Variants in PPP2R5A observed in about 807,000 individuals in gnomAD.
PPP2R5A encodes the protein protein phosphatase 2 regulatory subunit B'alpha, also known as serine/threonine-protein phosphatase 2A 56 kDa regulatory subunit alpha isoform.
In PPP2R5A, 25 loss-of-function variants were observed where a neutral mutation model predicts 64.2. That is an observed-to-expected ratio of 0.39 (90% CI 0.28 to 0.54). PPP2R5A has a LOEUF of 0.54. PPP2R5A is among the 20% of genes least tolerant of loss of function. The probability of loss-of-function intolerance (pLI) is 0.67; values close to 1 mark genes in which losing one functional copy is unlikely to be tolerated. For synonymous variants in PPP2R5A, 198 were observed against 201.2 expected (o/e 0.98, Z 0.13); for missense variants, 425 against 576.3 (o/e 0.74, Z 2.69).
intron 1 of PPP2R5A, among the ~76,000 whole-genome samples, chr1:212,292,775 G>A (rs1658624050): frequency 6.6e-6 from 1 of 152,062 alleles, no homozygotes. Context: ...ATGTTGTCCT[G>A]GCTGGTCTTG....
At chr1:212,331,189 AG>A (rs1457959307) in intron 2 of PPP2R5A, among the ~76,000 whole-genome samples, 9 of 141,318 alleles carry the variant, frequency 6.4e-5, no homozygotes, top group African/African-American at 2.5e-4. Flanking sequence ...AAAAAAAGAG[AG>A]TGTCTCTTTT....
At chr1:212,327,091 C>T (rs4951588) in intron 1 of PPP2R5A, among the ~76,000 whole-genome samples, 59,146 of 151,946 alleles carry the variant, frequency 0.39, 11,746 homozygotes, top group African/African-American at 0.44. Context: ...GGAGTAATTA[C>T]GAAGCATAGG....
At chr1:212,311,483 A>G (rs1263385849) in intron 1 of PPP2R5A, among the ~76,000 whole-genome samples, 1 of 152,144 alleles carries the variant, frequency 6.6e-6, no homozygotes. Flanking sequence ...AAAAAAGTAT[A>G]TATAGCATAT....
rs544443704 is a variant in PPP2R5A at position 212,302,653 on chromosome 1, A to G, written c.181+16362A>G. ...TAAAGTATACAATTCCATGGCTTTT[A>G]GTATATTCACAGACATGTGCAACTA... On this transcript the variant is annotated intron_variant, in intron 1 of 12. Coordinates refer to ENST00000261461, the MANE Select transcript of PPP2R5A (RefSeq NM_006243.4). Among the ~76,000 whole-genome samples the G allele has an allele frequency of 1.9e-4, 29 of 152,336 alleles. No individual in the cohort carries two copies. The South Asian group carries it at 6.0e-3, about 32-fold the overall frequency.
chr1:212,294,490 A>G (rs939034517), intron 1 of PPP2R5A, among the ~76,000 whole-genome samples: 8 of 152,196 alleles, frequency 5.3e-5, no homozygotes, highest in Non-Finnish European at 8.8e-5. Flanking sequence ...GTGCCCTACC[A>G]TTCTTCTTTA....
chr1:212,319,958 T>G (rs1315567742), intron 1 of PPP2R5A, among the ~76,000 whole-genome samples: 3 of 149,804 alleles, frequency 2.0e-5, no homozygotes, highest in East Asian at 1.9e-4. Flanking sequence ...TTTTTTTTTT[T>G]TTTTTTTTTT....
chr1:212,351,953 TTTTTTTATTTTTC>T (rs144841355), intron 8 of PPP2R5A, among the ~76,000 whole-genome samples: 4,238 of 150,976 alleles, frequency 0.028, 90 homozygotes, highest in East Asian at 0.076. Context: ...CCCAAAATAA[TTTTTTTATTTTTC>T]TTTTTTATTT....
chr1:212,344,707 A>G (rs899903956), intron 4 of PPP2R5A, among the ~76,000 whole-genome samples: 1 of 152,194 alleles, frequency 6.6e-6, no homozygotes, highest in Non-Finnish European at 1.5e-5. Flanking sequence ...ACCATTTTAA[A>G]TGGAAATTTG....
chr1:212,320,679 G>C (rs1260235625), intron 1 of PPP2R5A, among the ~76,000 whole-genome samples: 1 of 102,536 alleles, frequency 9.8e-6, no homozygotes, highest in East Asian at 5.3e-4. Context: ...CTGGCCGGGC[G>C]GGGGGCTGAC....
intron 1 of PPP2R5A, among the ~76,000 whole-genome samples, chr1:212,310,559 T>C (rs1405694263): frequency 6.6e-6 from 1 of 152,108 alleles, no homozygotes; most frequent in Non-Finnish European, 1.5e-5. Flanking sequence ...GTGGGGACAA[T>C]TGTATGCTTC....
At chr1:212,312,865 G>C (rs1380766429) in intron 1 of PPP2R5A, among the ~76,000 whole-genome samples, 1 of 152,028 alleles carries the variant, frequency 6.6e-6, no homozygotes, top group East Asian at 1.9e-4. Flanking sequence ...TATATAAATA[G>C]AATGAGATAT....
At chr1:212,352,994 G>A (rs1199589441) in intron 8 of PPP2R5A, 1 of 514,830 alleles carries the variant, frequency 1.9e-6, no homozygotes, top group Admixed American at 2.0e-5. Flanking sequence ...CTTAGTTGCT[G>A]TGAATCCAGA....
At chr1:212,301,914 A>C in intron 1 of PPP2R5A, 1 of 1,324,276 alleles carries the variant, frequency 7.6e-7, no homozygotes, top group South Asian at 1.9e-5. Context: ...CTCTAAGGAA[A>C]ATTATAGTTA....
intron 1 of PPP2R5A, among the ~76,000 whole-genome samples, chr1:212,291,561 C>CT (rs1361307840): frequency 1.3e-5 from 2 of 152,194 alleles, no homozygotes; most frequent in African/African-American, 4.8e-5. Context: ...CATTGTCTGT[C>CT]TATTGATTTA....
intron 4 of PPP2R5A, among the ~76,000 whole-genome samples, chr1:212,344,807 T>C (rs192690576): frequency 1.9e-4 from 29 of 152,272 alleles, no homozygotes; most frequent in Non-Finnish European, 3.7e-4. Context: ...ATTGGGCCAA[T>C]TGAGGTATAG....
chr1:212,305,913 G>T (rs546130176), intron 1 of PPP2R5A, among the ~76,000 whole-genome samples: 1 of 152,226 alleles, frequency 6.6e-6, no homozygotes, highest in East Asian at 1.9e-4. Context: ...AACTGGAGTG[G>T]CTATACTAAT....
At chr1:212,325,141 CTTGAGGAGCCTGAAATCTT>C (rs1481276077) in intron 1 of PPP2R5A, among the ~76,000 whole-genome samples, 2 of 152,100 alleles carry the variant, frequency 1.3e-5, no homozygotes, top group African/African-American at 4.8e-5. Context: ...AATCCTTCCC[CTTGAGGAGCCTGAAATCTT>C]TTGGTGGTTG....
intron 1 of PPP2R5A, among the ~76,000 whole-genome samples, chr1:212,306,421 C>CA (rs1658902483): frequency 6.6e-6 from 1 of 152,114 alleles, no homozygotes; most frequent in Admixed American, 6.5e-5. Flanking sequence ...GAAACCTCAT[C>CA]ATATCCCACA....
At chr1:212,333,666 C>T (rs1659545794) in intron 3 of PPP2R5A, 68 bp downstream of exon 3, 2 of 876,918 alleles carry the variant, frequency 2.3e-6, no homozygotes, top group African/African-American at 1.7e-5. Flanking sequence ...ATGGTTTTCT[C>T]ATTTAGATTC....
Sources: gnomAD v4.1 joint callset for allele counts (sites outside exome capture counted in the v4.1 genomes callset) on GRCh38, gnomAD v4.1.1 for gene constraint, MANE v1.5 for transcripts, NCBI Gene and HGNC (gene_info 2026-07-23, HGNC 2026-07-21) for gene names.